TBC1D5: variants seen among roughly 807,000 people sequenced by gnomAD.
TBC1D5 encodes the protein TBC1 domain family, member 5.
Under a neutral mutation model 100.3 loss-of-function variants are expected in TBC1D5, and 75 were observed. The ratio of observed to expected loss-of-function variants is 0.75; its 90% confidence interval spans 0.62 to 0.91. The LOEUF (loss-of-function observed/expected upper bound fraction) is 0.91, where lower values mean the gene tolerates loss of function less well. Ranked by LOEUF, TBC1D5 falls within the 40% of genes least tolerant of loss-of-function variation. The pLI is 0.00. For synonymous variants in TBC1D5, 323 were observed against 325.6 expected (o/e 0.99, Z 0.09); for missense variants, 910 against 942.4 (o/e 0.97, Z 0.45).
chr3:17,614,561 G>A (rs917261643), intron 2 of TBC1D5, among the ~76,000 whole-genome samples: 5 of 151,948 alleles, frequency 3.3e-5, no homozygotes, highest in Admixed American at 1.3e-4. Flanking sequence ...CTTTTATTTC[G>A]TTGAGCAGTG....
At chr3:17,340,080 C>T (rs1304106473) in intron 13 of TBC1D5, among the ~76,000 whole-genome samples, 2 of 152,182 alleles carry the variant, frequency 1.3e-5, no homozygotes, top group African/African-American at 4.8e-5. Context: ...ACAGTTCCCA[C>T]TGTGTTTACA....
intron 2 of TBC1D5, among the ~76,000 whole-genome samples, chr3:17,546,769 G>A (rs1273330063): frequency 6.1e-5 from 9 of 147,568 alleles, no homozygotes. Flanking sequence ...GCTGACAAGA[G>A]CGAGACTCCA....
chr3:17,176,308 T>C (rs1300644520), intron 19 of TBC1D5, among the ~76,000 whole-genome samples: 2 of 152,190 alleles, frequency 1.3e-5, no homozygotes, highest in Non-Finnish European at 2.9e-5. Context: ...TGCTATTGTA[T>C]GTGACAAGTA....
At chr3:17,708,138 C>G (rs1287199754) in intron 1 of TBC1D5, among the ~76,000 whole-genome samples, 1 of 152,134 alleles carries the variant, frequency 6.6e-6, no homozygotes, top group African/African-American at 2.4e-5. Context: ...GGTATGTGGC[C>G]TCCTAATTCA....
At chr3:17,547,462 G>A (rs1172892094) in intron 2 of TBC1D5, among the ~76,000 whole-genome samples, 2 of 152,120 alleles carry the variant, frequency 1.3e-5, no homozygotes, top group African/African-American at 4.8e-5. Context: ...AACTAGCAAT[G>A]CTTTTACTTC....
chr3:17,404,455 T>A (rs2093718656), intron 7 of TBC1D5, among the ~76,000 whole-genome samples: 1 of 152,046 alleles, frequency 6.6e-6, no homozygotes, highest in Non-Finnish European at 1.5e-5. Flanking sequence ...CCTTAGTTCT[T>A]ACAGAATCCC....
chr3:17,453,599 C>T (rs1374094605), intron 3 of TBC1D5, among the ~76,000 whole-genome samples: 1 of 152,114 alleles, frequency 6.6e-6, no homozygotes, highest in Non-Finnish European at 1.5e-5. Flanking sequence ...CAAGATCAAA[C>T]CATGAAGAAA....
intron 18 of TBC1D5, among the ~76,000 whole-genome samples, chr3:17,189,234 G>A (rs1010191413): frequency 6.6e-6 from 1 of 152,140 alleles, no homozygotes; most frequent in African/African-American, 2.4e-5. Flanking sequence ...CAGTGAAATG[G>A]ATTTAAATAC....
chr3:17,185,311 T>C, intron 18 of TBC1D5, 103 bp from the exon 20 acceptor site: 2 of 807,892 alleles, frequency 2.5e-6, no homozygotes, highest in African/African-American at 1.7e-5. Context: ...GCATGATACC[T>C]TTTTAAACCT....
chr3:17,330,283 C>T (rs1403040187), intron 13 of TBC1D5, among the ~76,000 whole-genome samples: 6 of 152,266 alleles, frequency 3.9e-5, no homozygotes, highest in Middle Eastern at 3.4e-3. Flanking sequence ...AAACTCCAAA[C>T]CTGCAGGAGG....
At chr3:17,566,556 T>TA (rs1039316593) in intron 2 of TBC1D5, among the ~76,000 whole-genome samples, 30 of 152,002 alleles carry the variant, frequency 2.0e-4, no homozygotes, top group Middle Eastern at 3.4e-3. Flanking sequence ...ATAAGAATCT[T>TA]AAGAGTTAAT....
At chr3:17,375,444 G>A (rs1435845594) in intron 10 of TBC1D5, among the ~76,000 whole-genome samples, 1 of 151,956 alleles carries the variant, frequency 6.6e-6, no homozygotes, top group Admixed American at 6.6e-5. Context: ...GTGCCCGCCT[G>A]TAGTCTCAGC....
At chr3:17,738,790 G>C (rs2077166806) in intron 1 of TBC1D5, among the ~76,000 whole-genome samples, 1 of 152,144 alleles carries the variant, frequency 6.6e-6, no homozygotes, top group Admixed American at 6.5e-5. Context: ...AAGAACAAGA[G>C]AGAATTTGGG....
At chr3:17,732,909 T>C (rs192188795) in intron 1 of TBC1D5, among the ~76,000 whole-genome samples, 64 of 152,252 alleles carry the variant, frequency 4.2e-4, no homozygotes, top group Non-Finnish European at 8.2e-4. Context: ...TGATTGCCAC[T>C]GATCATGAAA....
At chr3:17,577,654 T>C (rs1408514138) in intron 2 of TBC1D5, among the ~76,000 whole-genome samples, 2 of 151,952 alleles carry the variant, frequency 1.3e-5, no homozygotes, top group Admixed American at 6.6e-5. Flanking sequence ...AAAAGGTTAT[T>C]ATATTCACTA....
chr3:17,178,088 T>C lies in TBC1D5; in HGVS notation c.1852+7021A>G, dbSNP rs778483935. On this transcript the variant is annotated intron_variant, in intron 19 of 21. Transcript: ENST00000253692. ...CTCCTTTTTTTTTTTTTTTTTGAGA[T>C]GGAGTCTCGCTCTGTCGCCCAGGCT... 3.5e-3 allele frequency among the ~76,000 whole-genome samples: 462 copies of C among 133,736 alleles called. 6 individuals carry two copies. The highest frequency in any genetic ancestry group is 3.4e-3 in the Non-Finnish European group (212 of 63,162). 87.7% of individuals were successfully genotyped at this position (133,736 alleles called of 152,430 possible).
intron 2 of TBC1D5, among the ~76,000 whole-genome samples, chr3:17,607,752 G>C (rs1417160605): frequency 6.6e-6 from 1 of 151,904 alleles, no homozygotes; most frequent in Non-Finnish European, 1.5e-5. Context: ...CTGCTCACTT[G>C]TTGAACAGGA....
At chr3:17,160,660 C>T (rs969532889) in exon 22 of TBC1D5, 47 of 313,716 alleles carry the variant, frequency 1.5e-4, no homozygotes, top group African/African-American at 2.5e-4. Context: ...AATTGTGATT[C>T]GGTCTTTTCT....
chr3:17,199,463 T>C (rs1282443717), intron 18 of TBC1D5, among the ~76,000 whole-genome samples: 2 of 152,232 alleles, frequency 1.3e-5, no homozygotes, highest in Admixed American at 6.5e-5. Context: ...TTTTATGGAA[T>C]ATTTTCACAT....
Sources: allele counts gnomAD v4.1 joint callset (sites outside exome capture counted in the v4.1 genomes callset), GRCh38; gene constraint gnomAD v4.1.1; transcripts MANE v1.5; gene names NCBI Gene and HGNC (gene_info 2026-07-23, HGNC 2026-07-21).